LYRM1: variants seen among roughly 807,000 people sequenced by gnomAD.
The protein encoded by LYRM1 is LYR motif containing 1.
Under a neutral mutation model 14.9 loss-of-function variants are expected in LYRM1, and 14 were observed. The observed-to-expected ratio is 0.94, with a 90% CI of 0.62 to 1.47. The LOEUF (loss-of-function observed/expected upper bound fraction) is 1.47, where lower values mean the gene tolerates loss of function less well. LYRM1 is among the 40% of genes most tolerant of loss of function. The probability of loss-of-function intolerance (pLI) is 0.00; values close to 1 mark genes in which losing one functional copy is unlikely to be tolerated. For missense variants in LYRM1, 153 were observed against 149.9 expected, an observed-to-expected ratio of 1.02 and a Z score of -0.11; for synonymous variants, 43 against 56.2, an observed-to-expected ratio of 0.77 and a Z score of 1.05.
intron 2 of LYRM1, among the ~76,000 whole-genome samples, chr16:20,919,393 G>T (rs901211402): frequency 3.3e-5 from 5 of 152,096 alleles, no homozygotes; most frequent in Non-Finnish European, 5.9e-5. Context: ...ATAGATTGTT[G>T]GTAGGAATGT....
At chr16:20,920,930 TA>T (rs1203528584) in intron 3 of LYRM1, among the ~76,000 whole-genome samples, 10 of 89,034 alleles carry the variant, frequency 1.1e-4, no homozygotes, top group South Asian at 3.7e-4. Context: ...AAATTTAAAA[TA>T]AAAAAATTAT....
At chr16:20,912,670 C>G (rs1035441041) in intron 1 of LYRM1, among the ~76,000 whole-genome samples, 8 of 152,114 alleles carry the variant, frequency 5.3e-5, no homozygotes, top group Non-Finnish European at 1.0e-4. Context: ...AATTGCAGCA[C>G]TGAGAATATA....
At chr16:20,917,053 T>TAA (rs748728602) in intron 2 of LYRM1, among the ~76,000 whole-genome samples, 29 of 122,896 alleles carry the variant, frequency 2.4e-4, no homozygotes, top group Admixed American at 1.1e-3. Flanking sequence ...CCCTGTCTCT[T>TAA]AAAAAAAAAA....
intron 3 of LYRM1, among the ~76,000 whole-genome samples, chr16:20,923,480 CAG>C (rs2083300871): frequency 8.1e-6 from 1 of 123,964 alleles, no homozygotes; most frequent in African/African-American, 3.0e-5. Flanking sequence ...GCCTGGGTGA[CAG>C]AGTGAAACTG....
At chr16:20,906,608 A>G (rs1010055008) in intron 1 of LYRM1, among the ~76,000 whole-genome samples, 2 of 152,232 alleles carry the variant, frequency 1.3e-5, no homozygotes, top group Admixed American at 6.5e-5. Flanking sequence ...CATTTTCTTT[A>G]GAAGGCAAAG....
Position 20,906,124 on chromosome 16 carries a change from A to G in LYRM1, c.-1+5235A>G, listed in dbSNP as rs1390133922. 2.6e-5 allele frequency among the ~76,000 whole-genome samples: 4 copies of G among 152,158 alleles called. No homozygotes were observed. The East Asian group carries it at 7.7e-4, about 29-fold the overall frequency. On this transcript the variant is annotated intron_variant, in intron 1 of 3. Transcript: ENST00000567954. ...TGCAACACACACATGGTGGAAAAAG[A>G]AAGGTAAGTCATGCAAAATTATGAT... is the stretch of plus-strand genomic sequence containing the variant.
chr16:20,906,073 C>A (rs1213963215), intron 1 of LYRM1, among the ~76,000 whole-genome samples: 1 of 152,150 alleles, frequency 6.6e-6, no homozygotes, highest in Non-Finnish European at 1.5e-5. Context: ...CCAAATCTCC[C>A]CCTGCTCTCC....
chr16:20,916,517 C>T (rs566953738), intron 2 of LYRM1, among the ~76,000 whole-genome samples: 19 of 152,298 alleles, frequency 1.2e-4, no homozygotes, highest in Admixed American at 5.2e-4. Context: ...TCTCTTCAGC[C>T]GTGTCATCAC....
At chr16:20,920,066 C>G (rs1401503365) in intron 2 of LYRM1, 56 bp from the exon 3 acceptor site, 2 of 1,207,702 alleles carry the variant, frequency 1.7e-6, no homozygotes, top group Non-Finnish European at 2.4e-6. Context: ...TATACCTATA[C>G]TCTATGTACC....
chr16:20,913,285 G>A (rs187790499), intron 1 of LYRM1, among the ~76,000 whole-genome samples: 25 of 150,544 alleles, frequency 1.7e-4, no homozygotes, highest in Non-Finnish European at 3.4e-4. Flanking sequence ...GTAACTGTAT[G>A]GCTATTATAT....
At chr16:20,900,337 T>G (rs1161447516), upstream of LYRM1, 1 of 141,342 alleles carries the variant, frequency 7.1e-6, no homozygotes, top group Non-Finnish European at 1.5e-5. Context: ...CTTCCACCAC[T>G]GCCACCGCCT....
chr16:20,917,791 G>A (rs1423810589), intron 2 of LYRM1, among the ~76,000 whole-genome samples: 2 of 151,960 alleles, frequency 1.3e-5, no homozygotes, highest in African/African-American at 2.4e-5. Context: ...ATGATCAAAA[G>A]GCTTGGAGAT....
At chr16:20,923,462 G>A (rs1231083126) in intron 3 of LYRM1, among the ~76,000 whole-genome samples, 1 of 141,234 alleles carries the variant, frequency 7.1e-6, no homozygotes, top group African/African-American at 2.6e-5. Flanking sequence ...TCATGCCACT[G>A]CACTCCAGCC....
At chr16:20,919,307 G>A (rs1396130423) in intron 2 of LYRM1, among the ~76,000 whole-genome samples, 1 of 152,058 alleles carries the variant, frequency 6.6e-6, no homozygotes, top group African/African-American at 2.4e-5. Context: ...GAAACCATGG[G>A]GTTACTTTAA....
At chr16:20,906,818 G>C (rs1444938837) in intron 1 of LYRM1, among the ~76,000 whole-genome samples, 1 of 152,192 alleles carries the variant, frequency 6.6e-6, no homozygotes, top group Non-Finnish European at 1.5e-5. Flanking sequence ...CCTCATACCA[G>C]CAGATCTTTC....
rs2083342844 is a variant in LYRM1 at position 20,924,045 on chromosome 16, C to G, written c.298C>G (p.Leu100Val). Residue 100 changes from leucine to valine, a missense_variant, in exon 4 of 4, where the codon CTT (leucine) becomes GTT (valine). Physicochemically the swap from Leu to Val is conservative, Grantham distance 32. Transcript: ENST00000567954. ...CCTTACCCCACTCCGAGGCCGGGGA[C>G]TTCGAAGCCAAGAGAAACTGAGGAA... ...MGLTPLRGRG[L>V]RSQEKLRKLS... 24 of 1,613,602 alleles carry G rather than the reference C, an allele frequency of 1.5e-5. No individual in the cohort carries two copies. Among genetic ancestry groups the G allele is most frequent in the Non-Finnish European group, 2.0e-5 (24 of 1,179,624 alleles).
At chr16:20,915,814 G>A in intron 2 of LYRM1, 100 bp downstream of exon 2, 1 of 1,307,666 alleles carries the variant, frequency 7.6e-7, no homozygotes, top group South Asian at 1.5e-5. Flanking sequence ...GAGCCGCACA[G>A]TCATGGTGGC....
intron 2 of LYRM1, among the ~76,000 whole-genome samples, chr16:20,917,154 T>TG (rs553973546): frequency 6.6e-4 from 101 of 152,110 alleles, no homozygotes; most frequent in African/African-American, 2.1e-3. Flanking sequence ...AAGGCTGACT[T>TG]ATGAAGTTTC....
chr16:20,916,403 C>T (rs550828294), intron 2 of LYRM1, among the ~76,000 whole-genome samples: 32 of 152,134 alleles, frequency 2.1e-4, no homozygotes, highest in African/African-American at 6.0e-4. Flanking sequence ...ACTTCTCTTC[C>T]GTCTCCTCAC....
Sources: gnomAD v4.1 joint callset for allele counts (sites outside exome capture counted in the v4.1 genomes callset) on GRCh38, gnomAD v4.1.1 for gene constraint, MANE v1.5 for transcripts, NCBI Gene and HGNC (gene_info 2026-07-23, HGNC 2026-07-21) for gene names.